P2RX3: variants seen among roughly 807,000 people sequenced by gnomAD.
P2RX3 encodes P2X purinoceptor 3.
P2RX3 carries 41 observed loss-of-function variants against 51.5 expected under a neutral mutation model. The ratio of observed to expected loss-of-function variants is 0.80; its 90% CI spans 0.62 to 1.03. P2RX3 has a LOEUF of 1.03. Among genes scored for constraint, P2RX3 ranks in the 50% least tolerant of loss-of-function variants. The pLI is 0.00. For missense variants in P2RX3, 459 were observed against 522.1 expected, an observed-to-expected ratio of 0.88 and a Z score of 1.18; for synonymous variants, 185 against 191.6, an observed-to-expected ratio of 0.97 and a Z score of 0.29.
intron 1 of P2RX3, among the ~76,000 whole-genome samples, chr11:57,341,154 G>A (rs920359636): frequency 7.9e-5 from 12 of 152,220 alleles, no homozygotes; most frequent in African/African-American, 2.9e-4. Flanking sequence ...TGAGATCTGA[G>A]TTGGGAAGAG....
At chr11:57,345,165 C>A (rs567193320) in intron 1 of P2RX3, among the ~76,000 whole-genome samples, 1 of 152,360 alleles carries the variant, frequency 6.6e-6, no homozygotes, top group South Asian at 2.1e-4. Flanking sequence ...AGCTTCCCAG[C>A]CTCTAACTCC....
At chr11:57,350,927 A>G (rs780290986) in intron 8 of P2RX3, 29 bp downstream of exon 8, 25 of 1,613,768 alleles carry the variant, frequency 1.5e-5, no homozygotes, top group Admixed American at 3.3e-5. Context: ...GGACACCAGG[A>G]GAAGAAGGTG....
chr11:57,372,162 G>T lies in P2RX3; in HGVS notation c.*2165G>T, dbSNP rs1408356651. Among the ~76,000 whole-genome samples the T allele has an allele frequency of 6.6e-6, 1 of 152,202 alleles. No homozygotes were observed. Among genetic ancestry groups the T allele is most frequent in the Non-Finnish European group, 1.5e-5 (1 of 68,044 alleles). On this transcript the variant is annotated 3_prime_UTR_variant, in exon 12 of 12. Coordinates refer to ENST00000263314, the MANE Select transcript of P2RX3 (RefSeq NM_002559.5). ...AACGCTGGTGAGTCCGCTATGGTTT[G>T]TCATTAATCCTATTTGATAGAAAAA...
At chr11:57,344,428 G>A (rs1453491622) in intron 1 of P2RX3, among the ~76,000 whole-genome samples, 1 of 152,192 alleles carries the variant, frequency 6.6e-6, no homozygotes, top group Non-Finnish European at 1.5e-5. Flanking sequence ...GCTGGGCATG[G>A]TGGATCCCGC....
At chr11:57,348,067 C>T in intron 4 of P2RX3, 103 bp from the exon 5 acceptor site, 1 of 1,065,338 alleles carries the variant, frequency 9.4e-7, no homozygotes, top group Non-Finnish European at 1.3e-6. Context: ...GCTCTTTTCC[C>T]CCACTTGCCA....
chr11:57,363,773 G>A (rs1856755972), intron 8 of P2RX3, among the ~76,000 whole-genome samples: 1 of 152,162 alleles, frequency 6.6e-6, no homozygotes, highest in South Asian at 2.1e-4. Context: ...CAGAAGCTGG[G>A]ACTTCTGGGT....
At position 57,370,309 on chromosome 11, in the gene P2RX3, C is replaced by T. The variant is rs1237267972; in HGVS notation, c.*312C>T. 6.5e-6 allele frequency: 2 copies of T among 308,290 alleles called. No individual in the cohort carries two copies. Among genetic ancestry groups the T allele is most frequent in the Non-Finnish European group, 1.2e-5 (2 of 166,824 alleles). The allele number at this position is 308,290 out of a possible 1,614,324, so 19.1% of individuals were successfully genotyped here. ...ATGTAGGACAGATGGCCACAAGGGC[C>T]TACCAAGTGCCAGGCACTTTCACAC... On this transcript the variant is annotated 3_prime_UTR_variant, in exon 12 of 12. Coordinates refer to ENST00000263314, the MANE Select transcript of P2RX3 (RefSeq NM_002559.5).
At chr11:57,341,375 T>C (rs1176050575) in intron 1 of P2RX3, among the ~76,000 whole-genome samples, 1 of 151,968 alleles carries the variant, frequency 6.6e-6, no homozygotes, top group East Asian at 1.9e-4. Context: ...CTAACATGAG[T>C]CCATCATTTC....
intron 11 of P2RX3, among the ~76,000 whole-genome samples, 155 bp from the exon 12 acceptor site, chr11:57,369,729 C>T (rs80105392): frequency 1.3e-5 from 2 of 152,152 alleles, no homozygotes; most frequent in South Asian, 2.1e-4. Context: ...TGTTTGCCCT[C>T]GGGGTACATG....
chr11:57,341,834 C>T (rs1410899231), intron 1 of P2RX3, among the ~76,000 whole-genome samples: 1 of 152,172 alleles, frequency 6.6e-6, no homozygotes, highest in African/African-American at 2.4e-5. Flanking sequence ...GACCCCACCA[C>T]AGCCCTGCCC....
intron 8 of P2RX3, among the ~76,000 whole-genome samples, chr11:57,352,023 A>G (rs1029680526): frequency 7.9e-5 from 12 of 152,204 alleles, no homozygotes; most frequent in Non-Finnish European, 1.6e-4. Context: ...ATAGGGAGTG[A>G]CCAGGGGAAA....
rs549358114 is a variant in P2RX3, at chr11:57,351,839, GT to G, written c.842+945del. On this transcript the variant is annotated intron_variant, in intron 8 of 11. Coordinates refer to ENST00000263314, the MANE Select transcript of P2RX3 (RefSeq NM_002559.5). ...ACAAGGTCAACACTACTTATTAAAG[GT>G]TTTGTTTTCTTTTTAATTGATAAAT... 6.6e-5 allele frequency among the ~76,000 whole-genome samples: 10 copies of G among 152,250 alleles called. No individual in the cohort carries two copies. In the South Asian group the frequency reaches 1.9e-3, roughly 28 times the overall value.
chr11:57,366,725 G>A (rs932710875), intron 8 of P2RX3, among the ~76,000 whole-genome samples: 3 of 152,166 alleles, frequency 2.0e-5, no homozygotes, highest in African/African-American at 7.2e-5. Flanking sequence ...AGACGCATCT[G>A]GTGAGTCTTC....
chr11:57,365,597 G>A (rs990210606), intron 8 of P2RX3, among the ~76,000 whole-genome samples: 7 of 152,192 alleles, frequency 4.6e-5, no homozygotes, highest in Non-Finnish European at 1.0e-4. Context: ...AATCTCAATG[G>A]TGTTCGCATT....
chr11:57,346,850 C>A (rs542869519), intron 2 of P2RX3, among the ~76,000 whole-genome samples, 171 bp downstream of exon 2: 2 of 152,206 alleles, frequency 1.3e-5, no homozygotes, highest in Non-Finnish European at 2.9e-5. Context: ...CTTGGGCCTG[C>A]GGTGCTGGGC....
At chr11:57,369,846 T>C in intron 11 of P2RX3, 38 bp from the exon 12 acceptor site, 2 of 1,419,022 alleles carry the variant, frequency 1.4e-6, no homozygotes, top group Admixed American at 1.7e-5. Context: ...ACATTGCCCA[T>C]AGTCAGAACT....
chr11:57,371,677 G>A lies in P2RX3; in HGVS notation c.*1680G>A, dbSNP rs985330695. ...CACAGCCCCATGCCCAGGATGGTGG[G>A]GCATATCTCCCCAGGGTCAGCCTTG... On this transcript the variant is annotated 3_prime_UTR_variant, in exon 12 of 12. Coordinates refer to ENST00000263314, the MANE Select transcript of P2RX3 (RefSeq NM_002559.5). 2.6e-5 allele frequency among the ~76,000 whole-genome samples: 4 copies of A among 152,152 alleles called. No homozygotes were observed. The highest frequency in any genetic ancestry group is 9.7e-5 in the African/African-American group (4 of 41,434).
intron 8 of P2RX3, among the ~76,000 whole-genome samples, chr11:57,357,238 T>C (rs1200780863): frequency 6.6e-6 from 1 of 152,186 alleles, no homozygotes; most frequent in East Asian, 1.9e-4. Flanking sequence ...GGAGAATTGC[T>C]TGAACCCAGA....
intron 8 of P2RX3, among the ~76,000 whole-genome samples, chr11:57,360,811 A>AAAAAG (rs1554967555): frequency 1.3e-5 from 2 of 150,690 alleles, no homozygotes; most frequent in Non-Finnish European, 1.5e-5. Flanking sequence ...AAAAAAGAAA[A>AAAAAG]AAAGAAAGAA....
Sources: allele counts gnomAD v4.1 joint callset (sites outside exome capture counted in the v4.1 genomes callset), GRCh38; gene constraint gnomAD v4.1.1; transcripts MANE v1.5; gene names NCBI Gene and HGNC (gene_info 2026-07-23, HGNC 2026-07-21).